PLCL1: variants seen among roughly 807,000 people sequenced by gnomAD.
PLCL1 encodes the protein inactive phospholipase C-like protein 1.
PLCL1 carries 41 observed loss-of-function variants against 84.4 expected under a neutral mutation model. The ratio of observed to expected loss-of-function variants is 0.49; its 90% confidence interval spans 0.38 to 0.63. PLCL1 has a LOEUF of 0.63. Ranked by LOEUF, PLCL1 falls within the 30% of genes least tolerant of loss-of-function variation. The pLI, the probability that PLCL1 is intolerant of heterozygous loss-of-function variation, is 0.00. For synonymous variants in PLCL1, 490 were observed against 488.3 expected (o/e 1.00, Z -0.05); for missense variants, 1,206 against 1,367.8 (o/e 0.88, Z 1.87).
chr2:198,088,725 C>T (rs1692945496), intron 2 of PLCL1, 133 bp from the exon 3 acceptor site: 1 of 718,700 alleles, frequency 1.4e-6, no homozygotes, highest in Admixed American at 1.9e-5. Flanking sequence ...AAAAATTGAG[C>T]AAGATGAAGT....
In PLCL1 at chr2:197,994,217, A is replaced by G. The variant is rs571105313; in HGVS notation, c.241-89541A>G. 2.0e-5 allele frequency among the ~76,000 whole-genome samples: 3 copies of G among 152,210 alleles called. No individual in the cohort carries two copies. The South Asian group carries it at 6.2e-4, about 32-fold the overall frequency. On this transcript the variant is annotated intron_variant, in intron 1 of 5. Coordinates refer to ENST00000428675, the MANE Select transcript of PLCL1 (RefSeq NM_006226.4). Reference sequence around the variant, plus strand: ...AAATAGTCTTCTGTAATCTCCAACTACCTAGACTTTTATGCCCTCAGTAGA... The same window carrying G: ...AAATAGTCTTCTGTAATCTCCAACTGCCTAGACTTTTATGCCCTCAGTAGA...
chr2:197,811,843 G>A (rs1289566734), intron 1 of PLCL1, among the ~76,000 whole-genome samples: 1 of 152,154 alleles, frequency 6.6e-6, no homozygotes, highest in Non-Finnish European at 1.5e-5. Context: ...TTCAGGGGGT[G>A]TACATGTGTA....
chr2:198,129,045 C>A (rs192554220), intron 5 of PLCL1, among the ~76,000 whole-genome samples: 2 of 152,288 alleles, frequency 1.3e-5, no homozygotes, highest in Admixed American at 1.3e-4. Context: ...CAAATTCCAA[C>A]CTGACTCCAG....
intron 1 of PLCL1, among the ~76,000 whole-genome samples, chr2:197,873,308 T>C (rs1335640080): frequency 1.3e-5 from 2 of 152,090 alleles, no homozygotes; most frequent in Non-Finnish European, 2.9e-5. Flanking sequence ...GTGCTCTTTT[T>C]CTCTCTGGTG....
intron 1 of PLCL1, among the ~76,000 whole-genome samples, chr2:197,856,600 C>T (rs898578823): frequency 6.6e-6 from 1 of 152,132 alleles, no homozygotes; most frequent in African/African-American, 2.4e-5. Context: ...AGGGAAGAAT[C>T]AGTTGGAATT....
intron 1 of PLCL1, among the ~76,000 whole-genome samples, chr2:197,831,075 A>G (rs1691048700): frequency 6.6e-6 from 1 of 152,216 alleles, no homozygotes; most frequent in Non-Finnish European, 1.5e-5. Context: ...GCCAAGTTGT[A>G]AAGACCATTG....
Position 198,084,430 on chromosome 2 carries a change from G to A in PLCL1, c.913G>A (p.Glu305Lys), listed in dbSNP as rs1692802207. ...CCGCGTGACCGAAGAGGAATTTTGTGAAGCTTTTTGTGAACTTTGCACCAG... is the reference window on the plus strand; with the variant it reads ...CCGCGTGACCGAAGAGGAATTTTGTAAAGCTTTTTGTGAACTTTGCACCAG... Reference protein sequence around the residue: ...TTRVTEEEFCEAFCELCTRPE... With the variant: ...TTRVTEEEFCKAFCELCTRPE... The change falls in exon 2 of 6, where the codon GAA becomes AAA. Residue 305 changes from glutamate (E) to lysine (K), a missense_variant. By Grantham distance (56) the Glu-to-Lys change is moderately conservative. Transcript: ENST00000428675. 1.9e-6 allele frequency: 3 copies of A among 1,614,134 alleles called. No individual in the cohort carries two copies. The East Asian group carries it at 6.7e-5, about 36-fold the overall frequency.
intron 1 of PLCL1, among the ~76,000 whole-genome samples, chr2:198,040,504 CT>C (rs1559083064): frequency 6.6e-6 from 1 of 152,142 alleles, no homozygotes; most frequent in African/African-American, 2.4e-5. Flanking sequence ...AGGAACCCAG[CT>C]GTCAGCAATG....
At chr2:197,956,541 C>A (rs115520202) in intron 1 of PLCL1, among the ~76,000 whole-genome samples, 2 of 152,076 alleles carry the variant, frequency 1.3e-5, no homozygotes, top group Non-Finnish European at 2.9e-5. Context: ...CTACCAACAG[C>A]GTAAAAGCAT....
At position 197,985,105 on chromosome 2, in the gene PLCL1, A is replaced by G. The variant is rs1174628780; in HGVS notation, c.241-98653A>G. 2.2e-4 allele frequency among the ~76,000 whole-genome samples: 34 copies of G among 152,146 alleles called. 1 individual carries two copies. The highest frequency in any genetic ancestry group is 2.2e-3 in the Admixed American group (34 of 15,268). ...TTTAGAAATTCCCAGATGTACTACC[A>G]TGGGCAGCTGAATGCTTTGGTGCAA... On this transcript the variant is annotated intron_variant, in intron 1 of 5. Transcript: ENST00000428675.
chr2:197,881,743 A>C lies in PLCL1; in HGVS notation c.240+76404A>C, dbSNP rs144696142. 6.2e-3 allele frequency among the ~76,000 whole-genome samples: 937 copies of C among 152,170 alleles called. 10 individuals are homozygous for C. Among genetic ancestry groups the C allele is most frequent in the African/African-American group, 0.022 (896 of 41,520 alleles). ...CAGCTTTTTGGTGTGTGTTTTAAAA[A>C]ACTTTTTATTATAGATAACTTTGAC... On this transcript the variant is annotated intron_variant, in intron 1 of 5. Coordinates refer to ENST00000428675, the MANE Select transcript of PLCL1 (RefSeq NM_006226.4).
rs1485994403 is a variant in PLCL1, at chr2:197,866,080, ATATATATAAAC to A, written c.240+60750_240+60760del. Among the ~76,000 whole-genome samples, 3 of 65,978 alleles carry A rather than the reference ATATATATAAAC, an allele frequency of 4.5e-5. 1 individual carries two copies. Among genetic ancestry groups the A allele is most frequent in the Admixed American group, 1.7e-4 (1 of 5,796 alleles). The allele number at this position is 65,978 out of a possible 152,430, so 43.3% of individuals were successfully genotyped here. A position where few individuals can be genotyped will look rare whatever the true frequency, so the allele number is the denominator to read the frequency against. ...ACACACACACACACTATATATATATATATATATAAACTATATATATATATAAACTATATATA... is the reference window on the plus strand; with the variant it reads ...ACACACACACACACTATATATATATATATATATATATATAAACTATATATA... On this transcript the variant is annotated intron_variant, in intron 1 of 5. Transcript: ENST00000428675.
intron 1 of PLCL1, among the ~76,000 whole-genome samples, chr2:197,830,256 G>A (rs1311981441): frequency 6.6e-6 from 1 of 151,878 alleles, no homozygotes; most frequent in Admixed American, 6.6e-5. Flanking sequence ...CCCAATGGAA[G>A]GAAGCTAGGA....
intron 1 of PLCL1, among the ~76,000 whole-genome samples, chr2:197,967,404 C>A (rs958205758): frequency 5.9e-5 from 9 of 152,094 alleles, no homozygotes; most frequent in Non-Finnish European, 1.3e-4. Context: ...ACCATGTTGG[C>A]CAGGCTGTTC....
intron 5 of PLCL1, among the ~76,000 whole-genome samples, chr2:198,146,017 A>G (rs944135464): frequency 6.6e-6 from 1 of 152,202 alleles, no homozygotes; most frequent in Non-Finnish European, 1.5e-5. Context: ...TTGGGCCAGT[A>G]TCAGTATACG....
chr2:197,937,728 A>T (rs529052554), intron 1 of PLCL1, among the ~76,000 whole-genome samples: 44 of 152,352 alleles, frequency 2.9e-4, no homozygotes, highest in Non-Finnish European at 5.4e-4. Context: ...ACAAACATAA[A>T]CTATACACAG....
chr2:197,877,446 T>C (rs1687756101), intron 1 of PLCL1, among the ~76,000 whole-genome samples: 1 of 152,030 alleles, frequency 6.6e-6, no homozygotes, highest in South Asian at 2.1e-4. Context: ...TATAGGATAG[T>C]TGTGGGAAAT....
chr2:197,924,292 C>T (rs1022455472), intron 1 of PLCL1, among the ~76,000 whole-genome samples: 13 of 152,180 alleles, frequency 8.5e-5, no homozygotes, highest in African/African-American at 2.9e-4. Flanking sequence ...GCTTCAATGT[C>T]TTTGTTCCTC....
intron 1 of PLCL1, among the ~76,000 whole-genome samples, chr2:197,871,877 C>G (rs920156936): frequency 2.6e-5 from 4 of 152,028 alleles, no homozygotes; most frequent in African/African-American, 7.2e-5. Flanking sequence ...ACAAGGACAC[C>G]TGTGCTTTCC....
Sources: gnomAD v4.1 joint callset for allele counts (sites outside exome capture counted in the v4.1 genomes callset) on GRCh38, gnomAD v4.1.1 for gene constraint, MANE v1.5 for transcripts, NCBI Gene and HGNC (gene_info 2026-07-23, HGNC 2026-07-21) for gene names.